Variants in NTM observed in about 807,000 individuals in gnomAD.
NTM encodes neurotrimin.
NTM carries 13 observed loss-of-function variants against 42.1 expected under a neutral mutation model. That is an observed-to-expected ratio of 0.31 (90% CI 0.20 to 0.49). NTM has a LOEUF of 0.49. Ranked by LOEUF, NTM falls within the 20% of genes least tolerant of loss-of-function variation. The pLI, the probability that NTM is intolerant of heterozygous loss-of-function variation, is 0.99. For missense variants in NTM, 373 were observed against 452.8 expected (o/e 0.82, Z 1.60); for synonymous variants, 187 against 179.2 (o/e 1.04, Z -0.35).
intron 1 of NTM, among the ~76,000 whole-genome samples, chr11:131,509,927 G>A (rs1354960054): frequency 6.6e-6 from 1 of 152,058 alleles, no homozygotes; most frequent in African/African-American, 2.4e-5. Context: ...ATATCTCAGG[G>A]CATCAAAGCA....
At chr11:131,528,838 T>A (rs1222537697) in intron 1 of NTM, among the ~76,000 whole-genome samples, 1 of 152,226 alleles carries the variant, frequency 6.6e-6, no homozygotes, top group Non-Finnish European at 1.5e-5. Context: ...TTCCCTGACC[T>A]CTCATAGCAC....
At chr11:131,382,760 C>G (rs1942845511) in intron 1 of NTM, among the ~76,000 whole-genome samples, 1 of 152,178 alleles carries the variant, frequency 6.6e-6, no homozygotes, top group African/African-American at 2.4e-5. Flanking sequence ...ATCTTTGAAA[C>G]ATGACCAGTT....
At chr11:132,084,729 T>C (rs1257778081) in intron 2 of NTM, among the ~76,000 whole-genome samples, 1 of 152,226 alleles carries the variant, frequency 6.6e-6, no homozygotes, top group African/African-American at 2.4e-5. Flanking sequence ...AAAAAATGTC[T>C]CCTGTCTTTC....
chr11:131,792,723 G>A (rs2091103087), intron 1 of NTM, among the ~76,000 whole-genome samples: 1 of 152,182 alleles, frequency 6.6e-6, no homozygotes, highest in Admixed American at 6.5e-5. Flanking sequence ...GAAACGCCAC[G>A]TGCAGCCCCT....
intron 1 of NTM, among the ~76,000 whole-genome samples, chr11:131,407,101 T>G (rs1050712814): frequency 1.3e-5 from 2 of 152,194 alleles, no homozygotes; most frequent in African/African-American, 4.8e-5. Context: ...GCTTACTATT[T>G]TCTTGGTCCC....
intron 1 of NTM, chr11:131,534,524 A>G (rs1204561095): frequency 6.6e-6 from 1 of 152,214 alleles, no homozygotes; most frequent in African/African-American, 2.4e-5. Context: ...TAAATAGGGC[A>G]GGATGTGAGA....
intron 1 of NTM, among the ~76,000 whole-genome samples, chr11:131,835,742 C>T (rs1318547448): frequency 6.6e-6 from 1 of 152,138 alleles, no homozygotes; most frequent in East Asian, 1.9e-4. Flanking sequence ...TAGATATATA[C>T]ATGCACCAAA....
At chr11:131,985,307 C>G (rs61903467) in intron 2 of NTM, among the ~76,000 whole-genome samples, 24,676 of 152,204 alleles carry the variant, frequency 0.16, 2,547 homozygotes, top group South Asian at 0.26. Context: ...CTATCTCATT[C>G]TGTTTTCTTG....
At chr11:132,283,395 G>C (rs1169367994) in intron 4 of NTM, among the ~76,000 whole-genome samples, 1 of 152,152 alleles carries the variant, frequency 6.6e-6, no homozygotes, top group Non-Finnish European at 1.5e-5. Flanking sequence ...ATAGTTCTAA[G>C]GGAGTGGCTC....
At chr11:132,097,705 A>T (rs1190659410) in intron 2 of NTM, among the ~76,000 whole-genome samples, 7 of 152,258 alleles carry the variant, frequency 4.6e-5, no homozygotes, top group Non-Finnish European at 7.3e-5. Context: ...CCTGGAAGGT[A>T]GTAGAGACTT....
intron 2 of NTM, among the ~76,000 whole-genome samples, chr11:132,128,631 G>A: frequency 6.6e-6 from 1 of 151,926 alleles, no homozygotes; most frequent in East Asian, 1.9e-4. Context: ...AGGCTGATAA[G>A]GGGCTGGGCA....
chr11:131,787,723 T>C (rs2089503986), intron 1 of NTM, among the ~76,000 whole-genome samples: 1 of 152,170 alleles, frequency 6.6e-6, no homozygotes, highest in Non-Finnish European at 1.5e-5. Context: ...TTTATTGTTT[T>C]CTATGCCATG....
At chr11:131,901,316 G>A (rs549693772) in intron 1 of NTM, among the ~76,000 whole-genome samples, 29 of 152,194 alleles carry the variant, frequency 1.9e-4, no homozygotes, top group South Asian at 6.2e-4. Flanking sequence ...TCTCTTCATC[G>A]ACTGCCTAGA....
intron 1 of NTM, among the ~76,000 whole-genome samples, chr11:131,424,834 G>T (rs2135861062): frequency 6.8e-6 from 1 of 147,754 alleles, no homozygotes. Flanking sequence ...CTCCCAAAGT[G>T]CTGGGATTAT....
intron 3 of NTM, among the ~76,000 whole-genome samples, chr11:132,185,578 G>A (rs1025077337): frequency 6.6e-5 from 10 of 152,236 alleles, no homozygotes; most frequent in East Asian, 1.9e-4. Flanking sequence ...TAAATGGGTC[G>A]TGGTAATCCA....
intron 1 of NTM, among the ~76,000 whole-genome samples, chr11:131,789,642 G>GA (rs1428483869): frequency 6.5e-5 from 8 of 122,330 alleles, no homozygotes; most frequent in Admixed American, 1.1e-4. Flanking sequence ...AAGAAAAGAA[G>GA]AAGAAGAAGA....
chr11:131,500,933 G>A (rs2046741436), intron 1 of NTM, among the ~76,000 whole-genome samples: 1 of 151,038 alleles, frequency 6.6e-6, no homozygotes, highest in Non-Finnish European at 1.5e-5. Flanking sequence ...ATTTTTTATG[G>A]CTGCATAGTA....
intron 4 of NTM, among the ~76,000 whole-genome samples, chr11:132,291,790 G>A (rs572760930): frequency 2.0e-5 from 3 of 152,318 alleles, no homozygotes; most frequent in East Asian, 3.9e-4. Context: ...TTGCTGCTGA[G>A]AAGTCTTTTA....
chr11:131,960,367 C>A (rs1045582960), intron 2 of NTM, among the ~76,000 whole-genome samples: 3 of 152,162 alleles, frequency 2.0e-5, no homozygotes, highest in Non-Finnish European at 2.9e-5. Context: ...GAGTCTAACC[C>A]CTGTTTTTGA....
Sources: allele counts gnomAD v4.1 joint callset (sites outside exome capture counted in the v4.1 genomes callset), GRCh38; gene constraint gnomAD v4.1.1; transcripts MANE v1.5; gene names NCBI Gene and HGNC (gene_info 2026-07-23, HGNC 2026-07-21).